The following HYDIN variants were observed in gnomAD, a reference collection of about 807,000 sequenced individuals.
HYDIN encodes axonemal central pair apparatus protein HYDIN.
Under a neutral mutation model 403.9 loss-of-function variants are expected in HYDIN, and 132 were observed. That is an observed-to-expected ratio of 0.33 (90% CI 0.28 to 0.38). The LOEUF is 0.38. Ranked by LOEUF, HYDIN falls within the 10% of genes least tolerant of loss-of-function variation. HYDIN has a pLI of 1.00. For missense variants in HYDIN, 2,827 were observed against 5,009.5 expected, an observed-to-expected ratio of 0.56 and a Z score of 13.15; for synonymous variants, 1,202 against 1,891.7, an observed-to-expected ratio of 0.64 and a Z score of 9.46.
chr16:70,891,163 G>A lies in HYDIN; in HGVS notation c.9656+483C>T, dbSNP rs1294549743. Reference sequence around the variant, plus strand: ...CACACCAAGATCTACTGGTGATTTCGTGTATAGTATTTAAAAAAAAATTTT... The same window carrying A: ...CACACCAAGATCTACTGGTGATTTCATGTATAGTATTTAAAAAAAAATTTT... On this transcript the variant is annotated intron_variant, in intron 57 of 85. Coordinates refer to ENST00000393567, the MANE Select transcript of HYDIN (RefSeq NM_001270974.2). Among the ~76,000 whole-genome samples, 5 of 152,126 alleles carry A rather than the reference G, an allele frequency of 3.3e-5. No homozygotes were observed. The South Asian group carries it at 6.2e-4, about 19-fold the overall frequency.
At chr16:71,059,004 GT>G (rs1420212432) in intron 18 of HYDIN, among the ~76,000 whole-genome samples, 1 of 152,186 alleles carries the variant, frequency 6.6e-6, no homozygotes, top group Non-Finnish European at 1.5e-5. Flanking sequence ...GTAAGATACA[GT>G]ATGTGATACA....
chr16:70,917,951 GA>G lies in HYDIN; in HGVS notation c.8004+259del, dbSNP rs557965568. ...CAAGTTCCCTAAACCCTCCAATGGG[GA>G]CTGCAAAGGTTGTTAGGTGAGAATC... On this transcript the variant is annotated intron_variant, in intron 47 of 85. Coordinates refer to ENST00000393567, the MANE Select transcript of HYDIN (RefSeq NM_001270974.2). Among the ~76,000 whole-genome samples the G allele has an allele frequency of 3.0e-3, 455 of 152,242 alleles. 2 individuals are homozygous for G. The highest frequency in any genetic ancestry group is 0.01 in the African/African-American group (429 of 41,516).
chr16:70,931,208 CTGTTTTTTT>C (rs1423306002), intron 45 of HYDIN, among the ~76,000 whole-genome samples: 474 of 78,066 alleles, frequency 6.1e-3, no homozygotes, highest in Non-Finnish European at 7.7e-3. Flanking sequence ...TCTCTTTCTT[CTGTTTTTTT>C]TTTTTTTTTT....
intron 1 of HYDIN, among the ~76,000 whole-genome samples, chr16:71,189,395 G>C (rs1222484575): frequency 6.6e-6 from 1 of 152,104 alleles, no homozygotes; most frequent in African/African-American, 2.4e-5. Context: ...AAAAGAAACT[G>C]AAACAAATGA....
intron 20 of HYDIN, among the ~76,000 whole-genome samples, chr16:71,026,129 ACCACAGGTGACCCAC>A (rs2080688726): frequency 1.3e-5 from 2 of 152,232 alleles, no homozygotes; most frequent in African/African-American, 4.8e-5. Context: ...CGAACTCCCG[ACCACAGGTGACCCAC>A]CCACCTCGGC....
At chr16:70,985,520 G>A (rs917665474) in intron 27 of HYDIN, among the ~76,000 whole-genome samples, 198 bp from the exon 28 acceptor site, 1 of 152,178 alleles carries the variant, frequency 6.6e-6, no homozygotes, top group East Asian at 1.9e-4. Context: ...TCTAAGAACC[G>A]ATTCAGTTTA....
intron 5 of HYDIN, among the ~76,000 whole-genome samples, chr16:71,170,551 T>C (rs2086422182): frequency 6.6e-6 from 1 of 152,200 alleles, no homozygotes; most frequent in African/African-American, 2.4e-5. Context: ...AAACCTTGTC[T>C]GGATCTTGAT....
At chr16:71,015,983 A>G (rs2080245380) in intron 23 of HYDIN, among the ~76,000 whole-genome samples, 1 of 152,076 alleles carries the variant, frequency 6.6e-6, no homozygotes, top group African/African-American at 2.4e-5. Flanking sequence ...GAACCAGAAC[A>G]GAAACCCATT....
chr16:70,927,676 A>C (rs1311909959), intron 45 of HYDIN, among the ~76,000 whole-genome samples: 2 of 152,276 alleles, frequency 1.3e-5, no homozygotes, highest in Admixed American at 6.5e-5. Flanking sequence ...TTTCCTGGGC[A>C]AAGCCAAGAA....
intron 83 of HYDIN, among the ~76,000 whole-genome samples, chr16:70,825,244 T>C (rs2036521230): frequency 6.6e-6 from 1 of 152,220 alleles, no homozygotes; most frequent in Non-Finnish European, 1.5e-5. Context: ...GCTCCTTTTA[T>C]TTCCTCTAGA....
At chr16:70,871,197 G>A (rs1597177662) in intron 65 of HYDIN, among the ~76,000 whole-genome samples, 1 of 151,866 alleles carries the variant, frequency 6.6e-6, no homozygotes, top group East Asian at 1.9e-4. Context: ...AAACGGAATG[G>A]TCAGGGTCCT....
At chr16:70,994,547 C>G (rs578062651) in intron 23 of HYDIN, among the ~76,000 whole-genome samples, 79 of 150,822 alleles carry the variant, frequency 5.2e-4, no homozygotes, top group Non-Finnish European at 1.0e-3. Flanking sequence ...GGGCAGAGAA[C>G]GCATGTTGGG....
At chr16:71,157,698 G>A (rs1288900626) in intron 6 of HYDIN, among the ~76,000 whole-genome samples, 1 of 151,128 alleles carries the variant, frequency 6.6e-6, no homozygotes, top group Admixed American at 6.6e-5. Context: ...ATTATTTCAT[G>A]AAGAGTCTAA....
chr16:71,193,534 A>G (rs1408626913), intron 1 of HYDIN, among the ~76,000 whole-genome samples: 1 of 152,222 alleles, frequency 6.6e-6, no homozygotes, highest in East Asian at 1.9e-4. Flanking sequence ...AGACAGAAAA[A>G]AAAAGAAACG....
At position 70,866,093 on chromosome 16, in the gene HYDIN, G is replaced by A. The variant is rs202096328; in HGVS notation, c.11471+76C>T. 9.8e-4 allele frequency: 866 copies of A among 881,734 alleles called. 11 individuals carry two copies. In the East Asian group the frequency reaches 0.019, roughly 19 times the overall value. 54.6% of individuals were successfully genotyped at this position (881,734 alleles called of 1,614,324 possible). On this transcript the variant is annotated intron_variant, in intron 67 of 85. Coordinates refer to ENST00000393567, the MANE Select transcript of HYDIN (RefSeq NM_001270974.2). ...GTAGATGCTGCTGTAGATAATAGAC[G>A]TTTGATGAGTGAGTGAGTGAATGAT...
intron 1 of HYDIN, among the ~76,000 whole-genome samples, chr16:71,213,428 T>C (rs1392889455): frequency 6.6e-6 from 1 of 152,132 alleles, no homozygotes; most frequent in Non-Finnish European, 1.5e-5. Context: ...AGTTCTGAGA[T>C]CTCTCTAATG....
intron 84 of HYDIN, among the ~76,000 whole-genome samples, chr16:70,810,700 C>G (rs144508784): frequency 1.3e-5 from 2 of 151,974 alleles, no homozygotes; most frequent in African/African-American, 4.8e-5. Context: ...CGCAGTGGTG[C>G]GCACCTGTAG....
In HYDIN at chr16:70,872,038, T is replaced by C; in HGVS notation, c.11090A>G (p.Gln3697Arg). 1.2e-6 allele frequency: 2 copies of C among 1,605,422 alleles called. No individual in the cohort carries two copies. The highest frequency in any genetic ancestry group is 1.7e-6 in the Non-Finnish European group (2 of 1,175,864). ...AAATGATGAATGACTTTTATTTACCTGTGGGGAGAAAGCAATTGTAGCTGA... is the reference window on the plus strand; with the variant it reads ...AAATGATGAATGACTTTTATTTACCCGTGGGGAGAAAGCAATTGTAGCTGA... ...PVSATIAFSP[Q>R]MGHLHPGCAK... is the part of the protein sequence containing the mutation. The change falls in exon 65 of 86, where the codon CAG (glutamine) becomes CGG (arginine). Residue 3697 changes from glutamine to arginine, a missense_variant and splice_region_variant. Physicochemically the swap from Gln to Arg is conservative, Grantham distance 43. Coordinates refer to ENST00000393567, the MANE Select transcript of HYDIN (RefSeq NM_001270974.2).
At chr16:71,106,361 T>C (rs2083615994) in intron 10 of HYDIN, among the ~76,000 whole-genome samples, 1 of 143,010 alleles carries the variant, frequency 7.0e-6, no homozygotes, top group Non-Finnish European at 1.5e-5. Flanking sequence ...CAAGGGTCAC[T>C]TTCTCTGGAA....
Sources: allele counts gnomAD v4.1 joint callset (sites outside exome capture counted in the v4.1 genomes callset), GRCh38; gene constraint gnomAD v4.1.1; transcripts MANE v1.5; gene names NCBI Gene and HGNC (gene_info 2026-07-23, HGNC 2026-07-21).